ANP32A: variants seen among roughly 807,000 people sequenced by gnomAD.
ANP32A encodes acidic nuclear phosphoprotein 32 family member A.
A neutral mutation model predicts 33.9 loss-of-function variants in ANP32A; 1 was observed. The ratio of observed to expected loss-of-function variants is 0.03; its 90% CI spans 0.01 to 0.14. The LOEUF is 0.14. Among genes scored for constraint, ANP32A ranks in the 10% least tolerant of loss-of-function variants. The pLI is 1.00. For missense variants in ANP32A, 155 were observed against 306.0 expected, an observed-to-expected ratio of 0.51 and a Z score of 3.68; for synonymous variants, 115 against 120.5, an observed-to-expected ratio of 0.95 and a Z score of 0.30.
At chr15:68,798,352 C>T (rs1391728937) in intron 1 of ANP32A, among the ~76,000 whole-genome samples, 1 of 152,194 alleles carries the variant, frequency 6.6e-6, no homozygotes, top group Non-Finnish European at 1.5e-5. Context: ...GAAAACATGC[C>T]AATCAGACTC....
intron 1 of ANP32A, among the ~76,000 whole-genome samples, chr15:68,808,627 C>A (rs1894271060): frequency 6.6e-6 from 1 of 152,224 alleles, no homozygotes; most frequent in Non-Finnish European, 1.5e-5. Flanking sequence ...CCCATGAAGC[C>A]AATGGCTAAG....
Position 68,783,030 on chromosome 15 carries a change from G to C in ANP32A, c.550C>G (p.Gln184Glu), listed in dbSNP as rs1893889382. 11 of 1,551,674 alleles carry C rather than the reference G, an allele frequency of 7.1e-6. No homozygotes were observed. The highest frequency in any genetic ancestry group is 7.8e-6 in the Non-Finnish European group (9 of 1,146,886). ...EDEEEYDEDAQVVEDEEDEDE... is the reference protein window; with the variant it reads ...EDEEEYDEDAEVVEDEEDEDE... ...TCGTCCTCCTCGTCTTCCACTACCT[G>C]AGCATCTTCATCATACTCCTCCTCT... Residue 184 changes from glutamine (Q) to glutamate (E), a missense_variant, in exon 5 of 7, where the codon CAG (glutamine) becomes GAG (glutamate). This residue lies in a region of ANP32A where 63 missense variants were observed against 82.8 expected (regional missense o/e 0.76). Transcript: ENST00000465139.
intron 1 of ANP32A, among the ~76,000 whole-genome samples, chr15:68,804,292 C>T (rs1033722690): frequency 3.9e-5 from 6 of 152,060 alleles, no homozygotes; most frequent in African/African-American, 1.2e-4. Context: ...GGTTGGATGA[C>T]CTGGTTTTGT....
intron 1 of ANP32A, chr15:68,789,867 G>C (rs755356598): frequency 2.0e-5 from 3 of 152,398 alleles, no homozygotes; most frequent in Non-Finnish European, 2.9e-5. Flanking sequence ...GGGTCTGGGA[G>C]GGGGAGGCTC....
At chr15:68,787,150 G>C in intron 3 of ANP32A, 1 of 421,152 alleles carries the variant, frequency 2.4e-6, no homozygotes, top group Admixed American at 3.6e-5. Flanking sequence ...AAAAGCAGGA[G>C]ACCAGAAATT....
chr15:68,780,021 G>T lies in ANP32A; in HGVS notation c.*60C>A. 2 of 1,489,444 alleles carry T rather than the reference G, an allele frequency of 1.3e-6. No individual in the cohort carries two copies. The highest frequency in any genetic ancestry group is 1.9e-6 in the Non-Finnish European group (2 of 1,076,824). The allele number at this position is 1,489,444 out of a possible 1,614,324, so 92.3% of individuals were successfully genotyped here. On this transcript the variant is annotated 3_prime_UTR_variant, in exon 7 of 7. Coordinates refer to ENST00000465139, the MANE Select transcript of ANP32A (RefSeq NM_006305.4). The surrounding 1 kb of genome is among the most constrained non-coding windows in gnomAD (Gnocchi z 4.3). ...GGCAGGATTGGAGGGGGGGGGGAGA[G>T]GGGATATGGGTAAAAACAGTCAAAT...
chr15:68,793,472 C>T (rs539254433), intron 1 of ANP32A, among the ~76,000 whole-genome samples: 9 of 152,272 alleles, frequency 5.9e-5, no homozygotes, highest in African/African-American at 1.2e-4. Context: ...GGCACACCTG[C>T]GACACTGTTG....
At chr15:68,819,967 G>A (rs558961807) in intron 1 of ANP32A, among the ~76,000 whole-genome samples, 1 of 152,270 alleles carries the variant, frequency 6.6e-6, no homozygotes, top group South Asian at 2.1e-4. Flanking sequence ...AGAAAGGGAG[G>A]GAGGGAGAGA....
chr15:68,788,616 C>CT (rs1465233427), intron 1 of ANP32A, among the ~76,000 whole-genome samples: 3 of 152,212 alleles, frequency 2.0e-5, no homozygotes, highest in African/African-American at 7.2e-5. Flanking sequence ...AGGAATAGAG[C>CT]TTTTAATTCT....
In ANP32A at chr15:68,795,406, T is replaced by C. The variant is rs774224895; in HGVS notation, c.55-7487A>G. Among the ~76,000 whole-genome samples the C allele has an allele frequency of 5.8e-4, 88 of 152,316 alleles. 1 individual carries two copies. The highest frequency in any genetic ancestry group is 3.4e-3 in the Middle Eastern group (1 of 294). ...GTCGGTGACGCCATCCTTATTATTTTAGGGAGCCAAGGAACACAAGCTGAG... is the reference window on the plus strand; with the variant it reads ...GTCGGTGACGCCATCCTTATTATTTCAGGGAGCCAAGGAACACAAGCTGAG... On this transcript the variant is annotated intron_variant, in intron 1 of 6. Transcript: ENST00000465139.
At chr15:68,820,451 A>G (rs866277167) in intron 1 of ANP32A, among the ~76,000 whole-genome samples, 2 of 151,898 alleles carry the variant, frequency 1.3e-5, no homozygotes, top group Admixed American at 6.6e-5. Flanking sequence ...TCTCGCACCC[A>G]CACTCGCACA....
chr15:68,787,635 C>T, intron 2 of ANP32A, 100 bp from the exon 3 acceptor site: 1 of 1,596,886 alleles, frequency 6.3e-7, no homozygotes, highest in South Asian at 1.1e-5. Flanking sequence ...GAAGGGAAAG[C>T]AGTCTCAGGC....
At chr15:68,814,243 C>CA (rs777384138) in intron 1 of ANP32A, among the ~76,000 whole-genome samples, 1 of 151,934 alleles carries the variant, frequency 6.6e-6, no homozygotes, top group African/African-American at 2.4e-5. Flanking sequence ...TCTGAAAGCT[C>CA]AAGCAGATGT....
At chr15:68,820,628 G>GCT in intron 1 of ANP32A, 70 bp downstream of exon 1, 1 of 1,120,476 alleles carries the variant, frequency 8.9e-7, no homozygotes, top group Non-Finnish European at 1.2e-6. Context: ...CCTCCCCCCA[G>GCT]CGCGCACACA....
chr15:68,780,236 C>T lies in ANP32A; in HGVS notation c.689-94G>A. On this transcript the variant is annotated intron_variant, in intron 6 of 6. Coordinates refer to ENST00000465139, the MANE Select transcript of ANP32A (RefSeq NM_006305.4). The surrounding 1 kb of genome is among the most constrained non-coding windows in gnomAD (Gnocchi z 4.3). ...GAGAAGTCAGGGGACCCATGACTAG[C>T]AAGCTGTGCCATCCTTGGAAACCGA... 4 of 1,572,214 alleles carry T rather than the reference C, an allele frequency of 2.5e-6. No homozygotes were observed. The highest frequency in any genetic ancestry group is 1.8e-5 in the Admixed American group (1 of 54,152).
chr15:68,779,027 G>T lies in ANP32A; in HGVS notation c.*1054C>A, dbSNP rs536722035. 2 of 152,232 alleles carry T rather than the reference G, an allele frequency of 1.3e-5. No individual in the cohort carries two copies. Among genetic ancestry groups the T allele is most frequent in the South Asian group, 4.1e-4 (2 of 4,828 alleles). 9.4% of individuals were successfully genotyped at this position (152,232 alleles called of 1,614,324 possible). A position where few individuals can be genotyped will look rare whatever the true frequency, so the allele number is the denominator to read the frequency against. ...TGTTCTTTTATACAGATGAAACATG[G>T]GTTCAGAAATTACACGTCACTTCTA... On this transcript the variant is annotated 3_prime_UTR_variant, in exon 7 of 7. Coordinates refer to ENST00000465139, the MANE Select transcript of ANP32A (RefSeq NM_006305.4).
chr15:68,817,909 G>A (rs1032256532), intron 1 of ANP32A, among the ~76,000 whole-genome samples: 12 of 152,210 alleles, frequency 7.9e-5, no homozygotes, highest in East Asian at 3.9e-4. Flanking sequence ...CAACAGCCAC[G>A]GTGACAAAAT....
Position 68,780,610 on chromosome 15 carries a change from G to C in ANP32A, c.625-137C>G. 5.7e-6 allele frequency: 8 copies of C among 1,413,354 alleles called. No individual in the cohort carries two copies. The highest frequency in any genetic ancestry group is 7.5e-6 in the Non-Finnish European group (8 of 1,068,344). The allele number at this position is 1,413,354 out of a possible 1,614,324, so 87.6% of individuals were successfully genotyped here. A position where few individuals can be genotyped will look rare whatever the true frequency, so the allele number is the denominator to read the frequency against. ...CCACCAAGACTTGACATCTCGGGAGGAATGTAAAGCAGAGGTTCTTAATTT... is the reference window on the plus strand; with the variant it reads ...CCACCAAGACTTGACATCTCGGGAGCAATGTAAAGCAGAGGTTCTTAATTT... On this transcript the variant is annotated intron_variant, in intron 5 of 6. Transcript: ENST00000465139. This position sits in a 1 kb window ranked among gnomAD's most constrained non-coding sequence, Gnocchi z 4.3.
rs545225994 is a variant in ANP32A at position 68,779,123 on chromosome 15, C to T, written c.*958G>A. The stretch of plus-strand genomic sequence containing the variant: ...GGAATTTGCAGTCATTTCAGATTTC[C>T]ACTAGGTAAGAAAATACAATTTTGC... On this transcript the variant is annotated 3_prime_UTR_variant, in exon 7 of 7. Transcript: ENST00000465139. The T allele has an allele frequency of 5.3e-5, 8 of 151,966 alleles. No individual in the cohort carries two copies. The highest frequency in any genetic ancestry group is 1.7e-4 in the African/African-American group (7 of 41,432). The allele number at this position is 151,966 out of a possible 1,614,324, so 9.4% of individuals were successfully genotyped here. A position where few individuals can be genotyped will look rare whatever the true frequency, so the allele number is the denominator to read the frequency against.
Sources: allele counts gnomAD v4.1 joint callset (sites outside exome capture counted in the v4.1 genomes callset), GRCh38; gene constraint gnomAD v4.1.1; regional missense constraint gnomAD v4.1.1; non-coding constraint Gnocchi (gnomAD v3.1); transcripts MANE v1.5; gene names NCBI Gene and HGNC (gene_info 2026-07-23, HGNC 2026-07-21).